The following POLR3B variants were observed in gnomAD, a reference collection of about 807,000 sequenced individuals.
The protein encoded by POLR3B is DNA-directed RNA polymerase III subunit RPC2.
Under a neutral mutation model 147.4 loss-of-function variants are expected in POLR3B, and 96 were observed. The observed-to-expected ratio is 0.65, with a 90% CI of 0.55 to 0.77. The LOEUF is 0.77. Among genes scored for constraint, POLR3B ranks in the 30% least tolerant of loss-of-function variants. The pLI is 0.00. For synonymous variants in POLR3B, 461 were observed against 485.9 expected, an observed-to-expected ratio of 0.95 and a Z score of 0.67; for missense variants, 1,036 against 1,413.5, an observed-to-expected ratio of 0.73 and a Z score of 4.28.
At chr12:106,494,613 T>G (rs996213056) in intron 23 of POLR3B, among the ~76,000 whole-genome samples, 1 of 152,116 alleles carries the variant, frequency 6.6e-6, no homozygotes, top group Non-Finnish European at 1.5e-5. Context: ...AGCCCTAGGG[T>G]TTTGTCAGAT....
In POLR3B at chr12:106,437,170, AC is replaced by A. The variant is rs763716756; in HGVS notation, c.1856+42del. 8 of 1,229,846 alleles carry A rather than the reference AC, an allele frequency of 6.5e-6. No homozygotes were observed. The South Asian group carries it at 7.3e-5, about 11-fold the overall frequency. The allele number at this position is 1,229,846 out of a possible 1,614,324, so 76.2% of individuals were successfully genotyped here. ...AGTAAAACTTACCAATCTCCTTAAT[AC>A]CCACATACATGATTTAAGAAAAGTG... is the stretch of plus-strand genomic sequence containing the variant. On this transcript the variant is annotated intron_variant, in intron 17 of 27. Coordinates refer to ENST00000228347, the MANE Select transcript of POLR3B (RefSeq NM_018082.6).
intron 18 of POLR3B, among the ~76,000 whole-genome samples, chr12:106,443,051 C>T (rs927594286): frequency 2.0e-5 from 3 of 152,198 alleles, no homozygotes; most frequent in African/African-American, 7.2e-5. Context: ...TATATAACCT[C>T]AAACTTTCTA....
At chr12:106,427,558 T>A (rs1020539770) in intron 13 of POLR3B, among the ~76,000 whole-genome samples, 200 bp downstream of exon 13, 5 of 152,208 alleles carry the variant, frequency 3.3e-5, no homozygotes, top group Non-Finnish European at 7.3e-5. Context: ...GTTGCTGTTA[T>A]ATGAGGCAAT....
intron 12 of POLR3B, among the ~76,000 whole-genome samples, chr12:106,417,166 C>A (rs2037315416): frequency 6.6e-6 from 1 of 152,208 alleles, no homozygotes; most frequent in Non-Finnish European, 1.5e-5. Context: ...CTCGTTATTT[C>A]CACATATGTG....
chr12:106,471,026 GCT>G (rs1565906676), intron 23 of POLR3B, among the ~76,000 whole-genome samples: 1 of 152,196 alleles, frequency 6.6e-6, no homozygotes, highest in East Asian at 1.9e-4. Flanking sequence ...GTCTGGAGAA[GCT>G]CTCTGCTGCC....
chr12:106,453,489 A>G (rs1021665439), intron 19 of POLR3B, among the ~76,000 whole-genome samples: 10 of 151,984 alleles, frequency 6.6e-5, no homozygotes, highest in African/African-American at 1.7e-4. Flanking sequence ...ATGTGTCACT[A>G]TGGAAGCGTG....
chr12:106,424,283 C>T (rs1451484727), intron 12 of POLR3B, among the ~76,000 whole-genome samples: 1 of 152,174 alleles, frequency 6.6e-6, no homozygotes, highest in East Asian at 1.9e-4. Flanking sequence ...TAGAACACTT[C>T]ATGGGTGGTG....
At position 106,357,765 on chromosome 12, in the gene POLR3B, AC is replaced by A; in HGVS notation, c.-114del. The A allele has an allele frequency of 9.6e-7, 1 of 1,039,326 alleles. No individual in the cohort carries two copies. The allele number at this position is 1,039,326 out of a possible 1,614,324, so 64.4% of individuals were successfully genotyped here. A position where few individuals can be genotyped will look rare whatever the true frequency, so the allele number is the denominator to read the frequency against. On this transcript the variant is annotated 5_prime_UTR_variant, in exon 1 of 28. Coordinates refer to ENST00000228347, the MANE Select transcript of POLR3B (RefSeq NM_018082.6). ...TCTACCGCGTCTCTAGCTAACACGC[AC>A]GGCGGGGACAGTTTAGGCCTCCGCG...
intron 16 of POLR3B, among the ~76,000 whole-genome samples, chr12:106,435,724 A>G (rs931651062): frequency 6.6e-6 from 1 of 152,186 alleles, no homozygotes; most frequent in African/African-American, 2.4e-5. Flanking sequence ...CCAGGCACAC[A>G]TTAGGTGCTT....
rs577128464 is a variant in POLR3B, at chr12:106,398,945, C to T, written c.846+5792C>T. 4.6e-5 allele frequency among the ~76,000 whole-genome samples: 7 copies of T among 152,294 alleles called. No homozygotes were observed. The East Asian group carries it at 7.7e-4, about 17-fold the overall frequency. ...CAGCACCTCTCCTCCTCCAAAGGAACGCAGCTCCTCACCAGCAACAGAACA... is the reference window on the plus strand; with the variant it reads ...CAGCACCTCTCCTCCTCCAAAGGAATGCAGCTCCTCACCAGCAACAGAACA... On this transcript the variant is annotated intron_variant, in intron 10 of 27. Coordinates refer to ENST00000228347, the MANE Select transcript of POLR3B (RefSeq NM_018082.6).
chr12:106,504,328 T>A lies in POLR3B; in HGVS notation c.3272+74T>A. The A allele has an allele frequency of 8.2e-7, 1 of 1,217,652 alleles. No homozygotes were observed. Among genetic ancestry groups the A allele is most frequent in the African/African-American group, 1.5e-5 (1 of 67,292 alleles). 75.4% of individuals were successfully genotyped at this position (1,217,652 alleles called of 1,614,324 possible). A position where few individuals can be genotyped will look rare whatever the true frequency, so the allele number is the denominator to read the frequency against. On this transcript the variant is annotated intron_variant, in intron 27 of 27. Coordinates refer to ENST00000228347, the MANE Select transcript of POLR3B (RefSeq NM_018082.6). The surrounding 1 kb of genome is among the most constrained non-coding windows in gnomAD (Gnocchi z 4.6). ...TCACAGCTCAAGAATTGACCCTGGA[T>A]CCTATCCGCATATTCTCCAGCCTCT... is the stretch of plus-strand genomic sequence containing the variant.
intron 12 of POLR3B, among the ~76,000 whole-genome samples, chr12:106,417,919 A>T (rs1447609140): frequency 4.6e-5 from 7 of 152,216 alleles, no homozygotes; most frequent in Non-Finnish European, 1.0e-4. Flanking sequence ...AATTAGAATT[A>T]AAAAGAGGGT....
intron 21 of POLR3B, 117 bp from the exon 22 acceptor site, chr12:106,459,134 C>T: frequency 4.1e-6 from 3 of 728,712 alleles, no homozygotes; most frequent in East Asian, 5.2e-5. Context: ...AGCAGTCCTC[C>T]TACCGCAGCC....
At chr12:106,374,899 G>T (rs578160488) in intron 6 of POLR3B, among the ~76,000 whole-genome samples, 1 of 152,218 alleles carries the variant, frequency 6.6e-6, no homozygotes, top group South Asian at 2.1e-4. Flanking sequence ...ACACACATTA[G>T]TTTCCATTTT....
chr12:106,393,120 G>A lies in POLR3B; in HGVS notation c.813G>A (p.Glu271=). Residue 271 remains glutamate (E), a synonymous_variant, in exon 10 of 28, where the codon GAG becomes GAA. Transcript: ENST00000228347. The stretch of plus-strand genomic sequence containing the variant: ...CTGCATTTGGGCCCAGTCTGGAAGA[G>A]TGCCAGAAAGCTCAGATTTTCACAC... The part of the protein sequence containing the change: ...VMAAFGPSLE[E]CQKAQIFTQM... 1.9e-6 allele frequency: 3 copies of A among 1,614,214 alleles called. No individual in the cohort carries two copies. Among genetic ancestry groups the A allele is most frequent in the Middle Eastern group, 3.3e-4 (2 of 6,062 alleles).
chr12:106,391,253 A>C (rs1351927371), intron 9 of POLR3B, among the ~76,000 whole-genome samples: 1 of 152,090 alleles, frequency 6.6e-6, no homozygotes, highest in Non-Finnish European at 1.5e-5. Context: ...TTTCCATGAC[A>C]TGGTAGCTAT....
intron 6 of POLR3B, among the ~76,000 whole-genome samples, chr12:106,372,736 T>G (rs1025119596): frequency 6.6e-6 from 1 of 152,220 alleles, no homozygotes; most frequent in African/African-American, 2.4e-5. Flanking sequence ...GGGATGTGGC[T>G]TAGCTTACCT....
rs569084153 is a variant in POLR3B, at chr12:106,391,735, A to T, written c.724-1296A>T. Among the ~76,000 whole-genome samples the T allele has an allele frequency of 2.0e-5, 3 of 152,324 alleles. No homozygotes were observed. The South Asian group carries it at 6.2e-4, about 32-fold the overall frequency. On this transcript the variant is annotated intron_variant, in intron 9 of 27. Coordinates refer to ENST00000228347, the MANE Select transcript of POLR3B (RefSeq NM_018082.6). ...TGTTGTTGGTATTATATTAGCACAA[A>T]CACCTCAGATCTCTGGACTTTTAGA...
At chr12:106,468,752 T>C (rs1241776910) in intron 23 of POLR3B, among the ~76,000 whole-genome samples, 2 of 152,312 alleles carry the variant, frequency 1.3e-5, no homozygotes, top group East Asian at 3.9e-4. Context: ...TTGTGTGGTT[T>C]TGAGTGAGTT....
Sources: allele counts gnomAD v4.1 joint callset (sites outside exome capture counted in the v4.1 genomes callset), GRCh38; gene constraint gnomAD v4.1.1; non-coding constraint Gnocchi (gnomAD v3.1); transcripts MANE v1.5; gene names NCBI Gene and HGNC (gene_info 2026-07-23, HGNC 2026-07-21).